Variants in MAP7 observed in about 807,000 individuals in gnomAD.
MAP7 encodes microtubule associated protein 7.
Under a neutral mutation model 94.8 loss-of-function variants are expected in MAP7, and 52 were observed. The ratio of observed to expected loss-of-function variants is 0.55; its 90% CI spans 0.44 to 0.69. The LOEUF is 0.69. Ranked by LOEUF, MAP7 falls within the 30% of genes least tolerant of loss-of-function variation. The pLI is 0.00. For synonymous variants in MAP7, 350 were observed against 357.0 expected (o/e 0.98, Z 0.22); for missense variants, 940 against 964.6 (o/e 0.97, Z 0.34).
intron 1 of MAP7, among the ~76,000 whole-genome samples, chr6:136,455,949 T>G (rs949203493): frequency 6.6e-6 from 1 of 152,202 alleles, no homozygotes; most frequent in Non-Finnish European, 1.5e-5. Flanking sequence ...AGACATCAAC[T>G]TAAATGTGCA....
chr6:136,389,622 T>G (rs1197071167), intron 3 of MAP7, 105 bp from the exon 4 acceptor site: 1 of 1,026,402 alleles, frequency 9.7e-7, no homozygotes, highest in Non-Finnish European at 1.4e-6. Flanking sequence ...TGAACAAATA[T>G]GGGTTCTTTA....
At chr6:136,511,495 A>C (rs895346681) in intron 1 of MAP7, among the ~76,000 whole-genome samples, 2 of 137,818 alleles carry the variant, frequency 1.5e-5, no homozygotes, top group Admixed American at 7.1e-5. Context: ...GGGCCTTAAA[A>C]AAAAAGGCAG....
intron 1 of MAP7, among the ~76,000 whole-genome samples, chr6:136,491,937 C>G (rs1382911978): frequency 6.6e-6 from 1 of 152,154 alleles, no homozygotes; most frequent in Non-Finnish European, 1.5e-5. Context: ...ATCTGTATCT[C>G]AACATTCAGC....
intron 16 of MAP7, 105 bp downstream of exon 16, chr6:136,356,586 GC>G (rs61633380): frequency 0.05 from 40,543 of 810,400 alleles, 3,702 homozygotes; most frequent in East Asian, 0.28. Context: ...AATCAATGAG[GC>G]CCCCCCCAAA....
intron 3 of MAP7, among the ~76,000 whole-genome samples, chr6:136,411,328 G>A (rs1787381163): frequency 6.6e-6 from 1 of 152,090 alleles, no homozygotes; most frequent in Non-Finnish European, 1.5e-5. Flanking sequence ...AGAACAATAT[G>A]TTTACTGTCC....
At chr6:136,518,607 A>G (rs1825540910) in intron 1 of MAP7, among the ~76,000 whole-genome samples, 1 of 152,198 alleles carries the variant, frequency 6.6e-6, no homozygotes, top group African/African-American at 2.4e-5. Flanking sequence ...AAATGTCTAG[A>G]TGATCTGAGA....
At chr6:136,409,017 C>T (rs1260909487) in intron 3 of MAP7, among the ~76,000 whole-genome samples, 1 of 150,964 alleles carries the variant, frequency 6.6e-6, no homozygotes, top group African/African-American at 2.4e-5. Context: ...AAGGGAGCCT[C>T]TCAAGACTTA....
chr6:136,407,336 C>T (rs754976175), intron 3 of MAP7, among the ~76,000 whole-genome samples: 3 of 152,102 alleles, frequency 2.0e-5, no homozygotes, highest in Non-Finnish European at 2.9e-5. Context: ...GTGTATAAAA[C>T]AGCAGTAGAA....
At chr6:136,513,993 C>T (rs1824021220) in intron 1 of MAP7, among the ~76,000 whole-genome samples, 1 of 152,158 alleles carries the variant, frequency 6.6e-6, no homozygotes, top group Non-Finnish European at 1.5e-5. Context: ...CATTCGCTGG[C>T]TCTAGGTCTC....
At chr6:136,398,115 C>T (rs1294560024) in intron 3 of MAP7, among the ~76,000 whole-genome samples, 1 of 152,064 alleles carries the variant, frequency 6.6e-6, no homozygotes, top group Non-Finnish European at 1.5e-5. Flanking sequence ...ATCTAGACTC[C>T]ATGTAGAAAT....
At chr6:136,518,600 T>A (rs3799458) in intron 1 of MAP7, among the ~76,000 whole-genome samples, 1 of 152,150 alleles carries the variant, frequency 6.6e-6, no homozygotes, top group East Asian at 1.9e-4. Context: ...TTTTCCTAAA[T>A]GTCTAGATGA....
chr6:136,509,116 G>A (rs1459204063), intron 1 of MAP7, among the ~76,000 whole-genome samples: 1 of 152,164 alleles, frequency 6.6e-6, no homozygotes, highest in East Asian at 1.9e-4. Flanking sequence ...GAAATCCTCA[G>A]ATGGGGCTGG....
intron 1 of MAP7, among the ~76,000 whole-genome samples, chr6:136,473,600 A>T (rs74454990): frequency 6.6e-6 from 1 of 152,214 alleles, no homozygotes; most frequent in East Asian, 1.9e-4. Flanking sequence ...ATATTGAATC[A>T]TAGGGAAGCA....
intron 1 of MAP7, among the ~76,000 whole-genome samples, chr6:136,482,929 T>C (rs1583035901): frequency 6.6e-6 from 1 of 152,270 alleles, no homozygotes; most frequent in East Asian, 1.9e-4. Context: ...GCATATATAT[T>C]GTGCAGATGT....
intron 1 of MAP7, among the ~76,000 whole-genome samples, chr6:136,500,653 C>T (rs1473967908): frequency 6.6e-6 from 1 of 152,170 alleles, no homozygotes; most frequent in African/African-American, 2.4e-5. Context: ...AGTGCATCTA[C>T]CTGAATCCCA....
chr6:136,495,782 A>G (rs1346985994), intron 1 of MAP7, among the ~76,000 whole-genome samples: 1 of 152,234 alleles, frequency 6.6e-6, no homozygotes, highest in Non-Finnish European at 1.5e-5. Context: ...AACAGAATCT[A>G]TAGATTTTGC....
chr6:136,499,121 T>C (rs1819127903), intron 1 of MAP7, among the ~76,000 whole-genome samples: 1 of 152,102 alleles, frequency 6.6e-6, no homozygotes, highest in South Asian at 2.1e-4. Flanking sequence ...GGTTTCACCA[T>C]GTTGGCCAGG....
intron 1 of MAP7, among the ~76,000 whole-genome samples, chr6:136,482,806 T>A (rs1447757266): frequency 6.6e-6 from 1 of 152,138 alleles, no homozygotes; most frequent in Non-Finnish European, 1.5e-5. Flanking sequence ...ATAGATCGAT[T>A]TGGCAGGCAA....
At chr6:136,382,781 TAA>T (rs962533074) in intron 6 of MAP7, among the ~76,000 whole-genome samples, 1 of 152,162 alleles carries the variant, frequency 6.6e-6, no homozygotes, top group Non-Finnish European at 1.5e-5. Context: ...TTACATTTTT[TAA>T]AGATTATAAA....
Sources: gnomAD v4.1 joint callset for allele counts (sites outside exome capture counted in the v4.1 genomes callset) on GRCh38, gnomAD v4.1.1 for gene constraint, MANE v1.5 for transcripts, NCBI Gene and HGNC (gene_info 2026-07-23, HGNC 2026-07-21) for gene names.